The following PRG3 variants were observed in gnomAD, a reference collection of about 807,000 sequenced individuals.
PRG3 encodes proteoglycan 3, pro eosinophil major basic protein 2, also known as proteoglycan 3.
In PRG3, 25 loss-of-function variants were observed where a neutral mutation model predicts 26.1. That is an observed-to-expected ratio of 0.96 (90% CI 0.70 to 1.34). PRG3 has a LOEUF of 1.34. Ranked by LOEUF, PRG3 falls within the 40% of genes most tolerant of loss-of-function variation. The probability of loss-of-function intolerance (pLI) is 0.00; values close to 1 mark genes in which losing one functional copy is unlikely to be tolerated. For synonymous variants in PRG3, 111 were observed against 100.4 expected, an observed-to-expected ratio of 1.11 and a Z score of -0.63; for missense variants, 280 against 264.8, an observed-to-expected ratio of 1.06 and a Z score of -0.40.
Position 57,379,782 on chromosome 11 carries a change from G to T in PRG3, c.87C>A (p.Ser29Arg). Residue 29 changes from serine (S) to arginine (R), a missense_variant, in exon 3 of 6, where the codon AGC becomes AGA. By Grantham distance (110) the Ser-to-Arg change is moderately radical. Coordinates refer to ENST00000287143, the MANE Select transcript of PRG3 (RefSeq NM_006093.4). ...GGCCTAGGTCTGCCTGTGTCTCTAG[G>T]CTCTCCAGATGGGGGGCATCATTCT... ...HLENDAPHLE[S>R]LETQADLGQD... 6.2e-7 allele frequency: 1 copy of T among 1,611,588 alleles called. No homozygotes were observed. The highest frequency in any genetic ancestry group is 8.5e-7 in the Non-Finnish European group (1 of 1,178,578).
chr11:57,376,969 C>A (rs983171937), intron 5 of PRG3, 61 bp from the exon 6 acceptor site: 4 of 1,586,108 alleles, frequency 2.5e-6, no homozygotes, highest in Middle Eastern at 2.1e-4. Context: ...GGCTTCACCT[C>A]TTTCCCTCCT....
Position 57,379,678 on chromosome 11 carries a change from ACCTCCTCTC to A in PRG3, c.182_190del (p.Gly61_Glu63del). 1 of 1,613,748 alleles carries A rather than the reference ACCTCCTCTC, an allele frequency of 6.2e-7. No individual in the cohort carries two copies. The highest frequency in any genetic ancestry group is 1.1e-5 in the South Asian group (1 of 91,052). On this transcript the variant is annotated inframe_deletion, in exon 3 of 6. Coordinates refer to ENST00000287143, the MANE Select transcript of PRG3 (RefSeq NM_006093.4). ...GTTGTCTTGACAGGCAGAAGCCTTGACCTCCTCTCCCTCTGCCTGAATCACCTCCTCCGT... is the reference window on the plus strand; with the variant it reads ...GTTGTCTTGACAGGCAGAAGCCTTGACCTCTGCCTGAATCACCTCCTCCGT...
At position 57,376,888 on chromosome 11, in the gene PRG3, G is replaced by A; in HGVS notation, c.640C>T (p.Gln214Ter). 4 of 1,612,434 alleles carry A rather than the reference G, an allele frequency of 2.5e-6. No individual in the cohort carries two copies. The highest frequency in any genetic ancestry group is 2.5e-6 in the Non-Finnish European group (3 of 1,179,848). The change falls in exon 6 of 6, where the codon CAA becomes TAA. Residue 214 changes from glutamine to a stop codon, truncating the protein, a stop_gained. Transcript: ENST00000287143. LOFTEE classifies it low-confidence loss of function (END_TRUNC). ...CTKGGYWRRA[Q>*]CDKQLPFVCS... is the part of the protein sequence containing the mutation. ...ACGAAGGGCAGTTGCTTGTCGCATT[G>A]AGCTCGTCGCCAATAACCTCCTAGC... is the stretch of plus-strand genomic sequence containing the variant.
rs767729966 is a variant in PRG3, at chr11:57,378,791, C to T, written c.397G>A (p.Gly133Arg). The T allele has an allele frequency of 3.8e-5, 61 of 1,613,744 alleles. No individual in the cohort carries two copies. The highest frequency in any genetic ancestry group is 1.8e-4 in the South Asian group (16 of 91,078). ...TCATGGATAGAGACAAGGTTGCCTC[C>T]GTAGCATCTGCTGCAGACATTCTGC... Reference protein sequence around the residue: ...EAQNVCSRCYGGNLVSIHDFN... With the variant: ...EAQNVCSRCYRGNLVSIHDFN... The change falls in exon 4 of 6, where the codon GGA (glycine) becomes AGA (arginine). Residue 133 changes from glycine to arginine, a missense_variant. By Grantham distance (125) the Gly-to-Arg change is moderately radical (BLOSUM62 -2). Coordinates refer to ENST00000287143, the MANE Select transcript of PRG3 (RefSeq NM_006093.4).
At chr11:57,380,416 C>CAAAAAA (rs869309070) in intron 2 of PRG3, among the ~76,000 whole-genome samples, 1 of 10,596 alleles carries the variant, frequency 9.4e-5, no homozygotes. Flanking sequence ...AAACAAAAAA[C>CAAAAAA]AAACAAAAAA....
rs116659428 is a variant in PRG3, at chr11:57,378,770, G to A, written c.418C>T (p.His140Tyr). 2.0e-5 allele frequency: 33 copies of A among 1,613,834 alleles called. No homozygotes were observed. The East Asian group carries it at 5.8e-4, about 28-fold the overall frequency. ...ATGCGATAGTTGAAGTTGAAGTCAT[G>A]GATAGAGACAAGGTTGCCTCCGTAG... Reference protein sequence around the residue: ...RCYGGNLVSIHDFNFNYRIQC... With the variant: ...RCYGGNLVSIYDFNFNYRIQC... The change falls in exon 4 of 6, where the codon CAT (histidine) becomes TAT (tyrosine). Residue 140 changes from histidine (H) to tyrosine (Y), a missense_variant. His to Tyr is a moderately conservative substitution (Grantham distance 83). Coordinates refer to ENST00000287143, the MANE Select transcript of PRG3 (RefSeq NM_006093.4).
Position 57,379,771 on chromosome 11 carries a change from T to C in PRG3, c.98A>G (p.Gln33Arg). 1 of 1,613,552 alleles carries C rather than the reference T, an allele frequency of 6.2e-7. No individual in the cohort carries two copies. The highest frequency in any genetic ancestry group is 8.5e-7 in the Non-Finnish European group (1 of 1,179,784). ...ATCCAGATCCTGGCCTAGGTCTGCC[T>C]GTGTCTCTAGGCTCTCCAGATGGGG... ...DAPHLESLET[Q>R]ADLGQDLDSS... Residue 33 changes from glutamine (Q) to arginine (R), a missense_variant, in exon 3 of 6, where the codon CAG (glutamine) becomes CGG (arginine). By Grantham distance (43) the Gln-to-Arg change is conservative (BLOSUM62 1). Coordinates refer to ENST00000287143, the MANE Select transcript of PRG3 (RefSeq NM_006093.4).
intron 5 of PRG3, among the ~76,000 whole-genome samples, 186 bp from the exon 6 acceptor site, chr11:57,377,094 T>G (rs1181017275): frequency 6.6e-6 from 1 of 152,214 alleles, no homozygotes; most frequent in Non-Finnish European, 1.5e-5. Flanking sequence ...GGCTGTGTGC[T>G]AACTGCATTA....
rs552883227 is a variant in PRG3, at chr11:57,377,043, T to C, written c.620-135A>G. The C allele has an allele frequency of 4.7e-6, 4 of 847,148 alleles. 1 individual carries two copies. The highest frequency in any genetic ancestry group is 7.6e-6 in the Non-Finnish European group (4 of 527,530). The allele number at this position is 847,148 out of a possible 1,614,324, so 52.5% of individuals were successfully genotyped here. A position where few individuals can be genotyped will look rare whatever the true frequency, so the allele number is the denominator to read the frequency against. On this transcript the variant is annotated intron_variant, in intron 5 of 5. Transcript: ENST00000287143. ...CTGCCAGCTGTGTGCTTGCCCCACA[T>C]CCCTACTGGCTCACATTTGCTGAGC...
chr11:57,379,756 T>C lies in PRG3; in HGVS notation c.113A>G (p.Gln38Arg), dbSNP rs1458426300. The C allele has an allele frequency of 1.1e-5, 17 of 1,613,920 alleles. No individual in the cohort carries two copies. The highest frequency in any genetic ancestry group is 1.4e-5 in the Non-Finnish European group (16 of 1,179,978). ...CTGCTCCTTTGAACTATCCAGATCC[T>C]GGCCTAGGTCTGCCTGTGTCTCTAG... ...ESLETQADLGQDLDSSKEQER... is the reference protein window; with the variant it reads ...ESLETQADLGRDLDSSKEQER... The change falls in exon 3 of 6, where the codon CAG becomes CGG. Residue 38 changes from glutamine (Q) to arginine (R), a missense_variant. Physicochemically the swap from Gln to Arg is conservative, Grantham distance 43. Transcript: ENST00000287143.
Position 57,380,638 on chromosome 11 carries a change from A to C in PRG3, c.61+10T>G. 1 of 1,567,422 alleles carries C rather than the reference A, an allele frequency of 6.4e-7. No homozygotes were observed. Among genetic ancestry groups the C allele is most frequent in the Non-Finnish European group, 8.6e-7 (1 of 1,159,158 alleles). On this transcript the variant is annotated intron_variant, in intron 2 of 5. Coordinates refer to ENST00000287143, the MANE Select transcript of PRG3 (RefSeq NM_006093.4). ...GGAAAGACGCATGAGGAGGGAAGGG[A>C]GAGACTTACCCAGATGAAGAGCAGA...
chr11:57,379,678 ACCT>A lies in PRG3; in HGVS notation c.188_190del (p.Glu63del). ...GTTGTCTTGACAGGCAGAAGCCTTG[ACCT>A]CCTCTCCCTCTGCCTGAATCACCTC... On this transcript the variant is annotated inframe_deletion, in exon 3 of 6. Coordinates refer to ENST00000287143, the MANE Select transcript of PRG3 (RefSeq NM_006093.4). 1.2e-6 allele frequency: 2 copies of A among 1,613,748 alleles called. No homozygotes were observed. The highest frequency in any genetic ancestry group is 1.7e-6 in the Non-Finnish European group (2 of 1,180,002).
chr11:57,380,237 T>TA (rs1433787564), intron 2 of PRG3, among the ~76,000 whole-genome samples: 1 of 151,860 alleles, frequency 6.6e-6, no homozygotes, highest in East Asian at 1.9e-4. Flanking sequence ...CCATCTCTAC[T>TA]AAAAATACAA....
intron 4 of PRG3, 97 bp from the exon 5 acceptor site, chr11:57,377,933 G>T (rs1345698487): frequency 4.2e-6 from 4 of 956,502 alleles, no homozygotes; most frequent in Non-Finnish European, 6.4e-6. Context: ...ACCTGGCCAG[G>T]AGCCAGACAC....
chr11:57,379,521 C>A lies in PRG3; in HGVS notation c.348G>T (p.Arg116=). 6.2e-7 allele frequency: 1 copy of A among 1,612,852 alleles called. No homozygotes were observed. The highest frequency in any genetic ancestry group is 8.5e-7 in the Non-Finnish European group (1 of 1,179,414). ...RCKICRYLLV[R]TPKTFAEAQN... is the part of the protein sequence containing the mutation. ...GAGCTTCTGCAAAAGTTTTAGGAGTCCGCACCAATAGGTAGCGGCAGATCT... is the reference window on the plus strand; with the variant it reads ...GAGCTTCTGCAAAAGTTTTAGGAGTACGCACCAATAGGTAGCGGCAGATCT... Residue 116 remains arginine (R), a synonymous_variant, in exon 3 of 6, where the codon CGG becomes CGT. Coordinates refer to ENST00000287143, the MANE Select transcript of PRG3 (RefSeq NM_006093.4).
chr11:57,376,786 A>G lies in PRG3; in HGVS notation c.*64T>C. 1 of 1,538,574 alleles carries G rather than the reference A, an allele frequency of 6.5e-7. No individual in the cohort carries two copies. The highest frequency in any genetic ancestry group is 9.0e-7 in the Non-Finnish European group (1 of 1,114,614). ...TCAGGAAATGCTGTGGGAAGTCTGGATTTATGAGCAGGAGAGGTTGGGGGA... is the reference window on the plus strand; with the variant it reads ...TCAGGAAATGCTGTGGGAAGTCTGGGTTTATGAGCAGGAGAGGTTGGGGGA... On this transcript the variant is annotated 3_prime_UTR_variant, in exon 6 of 6. Transcript: ENST00000287143.
chr11:57,377,857 G>T, intron 4 of PRG3, 21 bp from the exon 5 acceptor site: 1 of 1,592,002 alleles, frequency 6.3e-7, no homozygotes, highest in African/African-American at 1.3e-5. Context: ...GACAGGCTAG[G>T]TCAGAGGGCA....
intron 5 of PRG3, 97 bp from the exon 6 acceptor site, chr11:57,377,005 T>C: frequency 8.0e-7 from 1 of 1,251,432 alleles, no homozygotes; most frequent in Non-Finnish European, 1.2e-6. Flanking sequence ...TCCCCATCTA[T>C]GGCCATCGTC....
In PRG3 at chr11:57,377,823, C is replaced by A. The variant is rs139866329; in HGVS notation, c.521G>T (p.Arg174Leu). The A allele has an allele frequency of 6.2e-7, 1 of 1,612,856 alleles. No homozygotes were observed. The highest frequency in any genetic ancestry group is 1.1e-5 in the South Asian group (1 of 91,072). The change falls in exon 5 of 6, where the codon CGG becomes CTG. Residue 174 changes from arginine to leucine, a missense_variant. Coordinates refer to ENST00000287143, the MANE Select transcript of PRG3 (RefSeq NM_006093.4). ...GTGGCTCCCATCAGTCCAGCAAAAC[C>A]GCTTCCACAGGAACTAGAGAAGTGA... is the stretch of plus-strand genomic sequence containing the variant. ...GNLRGWFLWK[R>L]FCWTDGSHWN...
Sources: gnomAD v4.1 joint callset for allele counts (sites outside exome capture counted in the v4.1 genomes callset) on GRCh38, gnomAD v4.1.1 for gene constraint, MANE v1.5 for transcripts, NCBI Gene and HGNC (gene_info 2026-07-23, HGNC 2026-07-21) for gene names.